GMPPB: variants seen among roughly 807,000 people sequenced by gnomAD.
GMPPB encodes GDP-mannose pyrophosphorylase B.
A neutral mutation model predicts 40.3 loss-of-function variants in GMPPB; 38 were observed. That is an observed-to-expected ratio of 0.94 (90% CI 0.73 to 1.24). GMPPB has a LOEUF of 1.24. Among genes scored for constraint, GMPPB ranks in the 50% most tolerant of loss-of-function variants. GMPPB has a pLI of 0.00. For missense variants in GMPPB, 436 were observed against 487.1 expected (o/e 0.90, Z 0.99); for synonymous variants, 193 against 191.8 (o/e 1.01, Z -0.05).
rs936938102 is a variant in GMPPB, at chr3:49,721,596, A to G, written c.*156T>C. On this transcript the variant is annotated 3_prime_UTR_variant, in exon 9 of 9. Transcript: ENST00000308388. ...GTGTGCCCAGCAGGGATCCTGCCAG[A>G]TGATGTCCACATGAGAAGGCAGGTG... The G allele has an allele frequency of 9.5e-6, 8 of 838,904 alleles. No homozygotes were observed. The highest frequency in any genetic ancestry group is 4.4e-4 in the Middle Eastern group (2 of 4,564). 52.0% of individuals were successfully genotyped at this position (838,904 alleles called of 1,614,324 possible).
rs1287528175 is a variant in GMPPB at position 49,723,913 on chromosome 3, G to C, written c.-187C>G. ...CCGGATCCAGGGCCGCCACAACACA[G>C]AACGCGACACCGGGTAGACGGCTGC... On this transcript the variant is annotated 5_prime_UTR_variant, in exon 1 of 9. Transcript: ENST00000308388. 1.3e-5 allele frequency: 8 copies of C among 594,422 alleles called. 1 individual carries two copies. The highest frequency in any genetic ancestry group is 9.7e-5 in the African/African-American group (5 of 51,560). The allele number at this position is 594,422 out of a possible 1,614,324, so 36.8% of individuals were successfully genotyped here. A position where few individuals can be genotyped will look rare whatever the true frequency, so the allele number is the denominator to read the frequency against.
rs187185691 is a variant in GMPPB at position 49,722,937 on chromosome 3, G to T, written c.402+35C>A. ...GCATGGGAGGCTGGGCATGGAGGGT[G>T]AAAGTGTCAAGAGAGAGAAGACCTG... is the stretch of plus-strand genomic sequence containing the variant. On this transcript the variant is annotated intron_variant, in intron 4 of 8. Transcript: ENST00000308388. 9,134 of 1,607,668 alleles carry T rather than the reference G, an allele frequency of 5.7e-3. 41 individuals are homozygous for T. Among genetic ancestry groups the T allele is most frequent in the Non-Finnish European group, 7.1e-3 (8,375 of 1,175,892 alleles).
chr3:49,723,259 C>G lies in GMPPB; in HGVS notation c.254G>C (p.Gly85Ala), dbSNP rs1459736585. ...ACCTTTCTGCCTCTACTGACCTGTC[C>G]CCAAAGGCTCCTCTTCATGGGACAT... ...ISMSHEEEPL[G>A]TAGPLALARD... The change falls in exon 3 of 9, where the codon GGG becomes GCG. Residue 85 changes from glycine to alanine, a missense_variant. By Grantham distance (60) the Gly-to-Ala change is moderately conservative. Transcript: ENST00000308388. 6.2e-7 allele frequency: 1 copy of G among 1,614,012 alleles called. No homozygotes were observed. The highest frequency in any genetic ancestry group is 8.5e-7 in the Non-Finnish European group (1 of 1,180,000).
chr3:49,721,365 C>CTATT lies in GMPPB; in HGVS notation c.*383_*386dup, dbSNP rs1553691526. The stretch of plus-strand genomic sequence containing the variant: ...TTTGAACCCAGAGCCAGGCTGGGCC[C>CTATT]TATTTATGAGCTCCCTTTGCCCTTC... On this transcript the variant is annotated 3_prime_UTR_variant, in exon 9 of 9. Transcript: ENST00000308388. The CTATT allele has an allele frequency of 2.5e-6, 4 of 1,610,178 alleles. No homozygotes were observed. The highest frequency in any genetic ancestry group is 1.7e-6 in the Non-Finnish European group (2 of 1,176,632).
chr3:49,720,668 G>T lies in GMPPB; in HGVS notation c.*1084C>A, dbSNP rs2080384107. ...CCTGCAGAGCTGTGAGTGGGCTGGTGGGGCAGGTCAGGGAAATCTGGGGCT... is the reference window on the plus strand; with the variant it reads ...CCTGCAGAGCTGTGAGTGGGCTGGTTGGGCAGGTCAGGGAAATCTGGGGCT... On this transcript the variant is annotated 3_prime_UTR_variant, in exon 9 of 9. Transcript: ENST00000308388. The T allele has an allele frequency of 6.3e-7, 1 of 1,595,252 alleles. No individual in the cohort carries two copies. The highest frequency in any genetic ancestry group is 1.3e-5 in the African/African-American group (1 of 74,652).
In GMPPB at chr3:49,723,803, T is replaced by G. The variant is rs1443199547; in HGVS notation, c.-77A>C. On this transcript the variant is annotated 5_prime_UTR_variant, in exon 1 of 9. Transcript: ENST00000308388. ...CGCCTGGCCGGTCCCTGCCGCGCAC[T>G]CCCAACGCCGTGCCCGGCCCCGCGC... 1.4e-6 allele frequency: 2 copies of G among 1,452,654 alleles called. No homozygotes were observed. Among genetic ancestry groups the G allele is most frequent in the African/African-American group, 2.9e-5 (2 of 70,002 alleles). The allele number at this position is 1,452,654 out of a possible 1,614,324, so 90.0% of individuals were successfully genotyped here.
chr3:49,723,133 TCAC>T lies in GMPPB; in HGVS notation c.260-22_260-20del, dbSNP rs1280193812. The T allele has an allele frequency of 6.2e-7, 1 of 1,613,470 alleles. No individual in the cohort carries two copies. The highest frequency in any genetic ancestry group is 8.5e-7 in the Non-Finnish European group (1 of 1,179,754). ...GGCCCAGCTGGGGGAAGGGGACAGG[TCAC>T]CACCTTGCTGGAGGTCTGAGTCCCT... On this transcript the variant is annotated intron_variant, in intron 3 of 8. Transcript: ENST00000308388.
chr3:49,720,832 C>T lies in GMPPB; in HGVS notation c.*920G>A. ...TTATATCAGTGCCGATGAGCTGGCC[C>T]AAGTGGAACAGATGCTGGCGCACCT... On this transcript the variant is annotated 3_prime_UTR_variant, in exon 9 of 9. Transcript: ENST00000308388. 6.2e-7 allele frequency: 1 copy of T among 1,614,196 alleles called. No individual in the cohort carries two copies. The highest frequency in any genetic ancestry group is 8.5e-7 in the Non-Finnish European group (1 of 1,180,034).
At chr3:49,722,925 G>A in intron 4 of GMPPB, 47 bp downstream of exon 4, 6 of 1,599,092 alleles carry the variant, frequency 3.8e-6, no homozygotes, top group Non-Finnish European at 4.3e-6. Flanking sequence ...TGGGAGGCTG[G>A]GCATGGAGGG....
rs771732077 is a variant in GMPPB, at chr3:49,722,724, C to T, written c.433G>A (p.Gly145Ser). The T allele has an allele frequency of 6.2e-7, 1 of 1,613,366 alleles. No individual in the cohort carries two copies. The highest frequency in any genetic ancestry group is 8.5e-7 in the Non-Finnish European group (1 of 1,179,812). The change falls in exon 5 of 9, where the codon GGT becomes AGT. Residue 145 changes from glycine to serine, a missense_variant. Physicochemically the swap from Gly to Ser is moderately conservative, Grantham distance 56 (BLOSUM62 0). Coordinates refer to ENST00000308388, the MANE Select transcript of GMPPB (RefSeq NM_021971.4). ...VTKVEEPSKYGVVVCEADTGR... is the reference protein window; with the variant it reads ...VTKVEEPSKYSVVVCEADTGR... Reference sequence around the variant, plus strand: ...GTGTCAGCCTCACACACCACCACACCGTACTTGGAGGGTTCCTCCACCTTG... The same window carrying T: ...GTGTCAGCCTCACACACCACCACACTGTACTTGGAGGGTTCCTCCACCTTG...
rs1383720066 is a variant in GMPPB, at chr3:49,722,997, T to C, written c.377A>G (p.His126Arg). 2 of 1,613,748 alleles carry C rather than the reference T, an allele frequency of 1.2e-6. No homozygotes were observed. The highest frequency in any genetic ancestry group is 1.7e-6 in the Non-Finnish European group (2 of 1,179,896). Residue 126 changes from histidine (H) to arginine (R), a missense_variant, in exon 4 of 9, where the codon CAC (histidine) becomes CGC (arginine). Coordinates refer to ENST00000308388, the MANE Select transcript of GMPPB (RefSeq NM_021971.4). The stretch of plus-strand genomic sequence containing the variant: ...CAGGATGGAGCCCTCCTGGCCATGG[T>C]GCCGGTGGAACTGCACCATGGCTTG... ...PFQAMVQFHR[H>R]HGQEGSILVT...
Position 49,723,008 on chromosome 3 carries a change from C to A in GMPPB, c.366G>T (p.Gln122His), listed in dbSNP as rs766144577. The change falls in exon 4 of 9, where the codon CAG becomes CAT. Residue 122 changes from glutamine to histidine, a missense_variant. Gln to His is a conservative substitution (Grantham distance 24, BLOSUM62 0). Transcript: ENST00000308388. ...ICDFPFQAMV[Q>H]FHRHHGQEGS... The stretch of plus-strand genomic sequence containing the variant: ...CCTCCTGGCCATGGTGCCGGTGGAA[C>A]TGCACCATGGCTTGGAAGGGGAAAT... 9.3e-6 allele frequency: 15 copies of A among 1,613,738 alleles called. No individual in the cohort carries two copies. Among genetic ancestry groups the A allele is most frequent in the Non-Finnish European group, 1.3e-5 (15 of 1,179,926 alleles).
In GMPPB at chr3:49,721,103, C is replaced by CAAGT; in HGVS notation, c.*645_*648dup. On this transcript the variant is annotated 3_prime_UTR_variant, in exon 9 of 9. Coordinates refer to ENST00000308388, the MANE Select transcript of GMPPB (RefSeq NM_021971.4). ...TCCAGCCCTGTGGCCACAAGTCCTG[C>CAAGT]AAGTAAGTGGGCCCCACAGCTTGGT... 2.1e-5 allele frequency: 34 copies of CAAGT among 1,613,742 alleles called. No individual in the cohort carries two copies. Among genetic ancestry groups the CAAGT allele is most frequent in the Admixed American group, 1.0e-4 (6 of 59,984 alleles).
Position 49,721,570 on chromosome 3 carries a change from G to T in GMPPB, c.*182C>A. 1 of 802,296 alleles carries T rather than the reference G, an allele frequency of 1.2e-6. No homozygotes were observed. The highest frequency in any genetic ancestry group is 2.6e-5 in the East Asian group (1 of 37,814). The allele number at this position is 802,296 out of a possible 1,614,324, so 49.7% of individuals were successfully genotyped here. ...CTTCTTGAGGGAGTGGGGTTTGTGG[G>T]GTGTGCCCAGCAGGGATCCTGCCAG... On this transcript the variant is annotated 3_prime_UTR_variant, in exon 9 of 9. Coordinates refer to ENST00000308388, the MANE Select transcript of GMPPB (RefSeq NM_021971.4).
At chr3:49,722,867 A>G in intron 4 of GMPPB, 105 bp downstream of exon 4, 1 of 1,497,010 alleles carries the variant, frequency 6.7e-7, no homozygotes, top group Non-Finnish European at 9.1e-7. Flanking sequence ...TACATACTGC[A>G]CAGCTCTGTA....
In GMPPB at chr3:49,721,187, C is replaced by A; in HGVS notation, c.*565G>T. On this transcript the variant is annotated 3_prime_UTR_variant, in exon 9 of 9. Transcript: ENST00000308388. ...CCTCATCCCCTCCCCTGTTGTAGAG[C>A]CTGTATCAACCAGCACCTGATGAAC... 1.2e-6 allele frequency: 2 copies of A among 1,614,222 alleles called. No homozygotes were observed. The highest frequency in any genetic ancestry group is 1.1e-5 in the South Asian group (1 of 91,088).
At chr3:49,722,195 T>C in intron 7 of GMPPB, 36 bp downstream of exon 7, 1 of 1,608,494 alleles carries the variant, frequency 6.2e-7, no homozygotes, top group Non-Finnish European at 8.5e-7. Context: ...CTCCCAAGAC[T>C]GAGGGGGTTA....
Position 49,722,693 on chromosome 3 carries a change from C to T in GMPPB, c.464G>A (p.Arg155His), listed in dbSNP as rs2080436266. The T allele has an allele frequency of 2.5e-6, 4 of 1,613,784 alleles. No homozygotes were observed. The highest frequency in any genetic ancestry group is 3.4e-6 in the Non-Finnish European group (4 of 1,179,970). Residue 155 changes from arginine (R) to histidine (H), a missense_variant, in exon 5 of 9, where the codon CGC becomes CAC. By Grantham distance (29) the Arg-to-His change is conservative. Transcript: ENST00000308388. ...GVVVCEADTG[R>H]IHRFVEKPQV... is the part of the protein sequence containing the mutation. The stretch of plus-strand genomic sequence containing the variant: ...TGGCTTCTCCACGAACCGGTGAATG[C>T]GGCCTGTGTCAGCCTCACACACCAC...
At position 49,721,166 on chromosome 3, in the gene GMPPB, A is replaced by G; in HGVS notation, c.*586T>C. 1 of 1,614,174 alleles carries G rather than the reference A, an allele frequency of 6.2e-7. No individual in the cohort carries two copies. The highest frequency in any genetic ancestry group is 1.1e-5 in the South Asian group (1 of 91,084). On this transcript the variant is annotated 3_prime_UTR_variant, in exon 9 of 9. Coordinates refer to ENST00000308388, the MANE Select transcript of GMPPB (RefSeq NM_021971.4). ...AGTAGGTACATGCAGGGCAGTCCTC[A>G]TCCCCTCCCCTGTTGTAGAGCCTGT...
Sources: gnomAD v4.1 joint callset for allele counts on GRCh38, gnomAD v4.1.1 for gene constraint, MANE v1.5 for transcripts, NCBI Gene and HGNC (gene_info 2026-07-23, HGNC 2026-07-21) for gene names.